The following PCDH7 variants were observed in gnomAD, a reference collection of about 807,000 sequenced individuals.
PCDH7 encodes protocadherin 7, also known as protocadherin-7.
In PCDH7, 17 loss-of-function variants were observed where a neutral mutation model predicts 58.9. That is an observed-to-expected ratio of 0.29 (90% CI 0.20 to 0.43). The LOEUF (loss-of-function observed/expected upper bound fraction) is 0.43, where lower values mean the gene tolerates loss of function less well. Ranked by LOEUF, PCDH7 falls within the 20% of genes least tolerant of loss-of-function variation. The probability of loss-of-function intolerance (pLI) is 1.00; values close to 1 mark genes in which losing one functional copy is unlikely to be tolerated. For missense variants in PCDH7, 1,274 were observed against 1,441.0 expected (o/e 0.88, Z 1.88); for synonymous variants, 664 against 616.4 (o/e 1.08, Z -1.14).
At chr4:30,850,457 GA>G (rs979858553) in intron 1 of PCDH7, among the ~76,000 whole-genome samples, 1 of 151,952 alleles carries the variant, frequency 6.6e-6, no homozygotes, top group African/African-American at 2.4e-5. Flanking sequence ...TATTATACAT[GA>G]AAAAAACTGA....
At chr4:30,791,204 C>G (rs918469694) in intron 1 of PCDH7, among the ~76,000 whole-genome samples, 1 of 152,026 alleles carries the variant, frequency 6.6e-6, no homozygotes, top group Non-Finnish European at 1.5e-5. Flanking sequence ...GTTACAATGT[C>G]GTGTGCTAAA....
chr4:31,018,788 C>T (rs1753806205), intron 3 of PCDH7, among the ~76,000 whole-genome samples: 1 of 152,076 alleles, frequency 6.6e-6, no homozygotes, highest in Non-Finnish European at 1.5e-5. Flanking sequence ...TTTCTATTTC[C>T]TAGCAACTTC....
chr4:30,773,629 A>G (rs1332727824), intron 1 of PCDH7, among the ~76,000 whole-genome samples: 2 of 152,142 alleles, frequency 1.3e-5, no homozygotes, highest in Non-Finnish European at 2.9e-5. Flanking sequence ...CCACTGAAGA[A>G]TCATGGTGCT....
intron 3 of PCDH7, among the ~76,000 whole-genome samples, chr4:30,952,160 A>G (rs1177908939): frequency 6.6e-6 from 1 of 152,182 alleles, no homozygotes; most frequent in Non-Finnish European, 1.5e-5. Flanking sequence ...TAGGACCTGT[A>G]ACTACAAACT....
At chr4:30,861,404 A>T (rs1283244349) in intron 1 of PCDH7, among the ~76,000 whole-genome samples, 3 of 142,974 alleles carry the variant, frequency 2.1e-5, no homozygotes, top group Admixed American at 1.4e-4. Flanking sequence ...TCTGCATGTT[A>T]TAGTAACCAC....
chr4:30,846,116 G>A (rs1731911522), intron 1 of PCDH7, among the ~76,000 whole-genome samples: 1 of 151,980 alleles, frequency 6.6e-6, no homozygotes, highest in Non-Finnish European at 1.5e-5. Context: ...ACTAAAACAT[G>A]GTCTGAATAT....
chr4:30,928,942 A>T (rs2109423959), intron 2 of PCDH7, among the ~76,000 whole-genome samples: 1 of 152,234 alleles, frequency 6.6e-6, no homozygotes, highest in Middle Eastern at 3.4e-3. Flanking sequence ...TTAGTTCAAA[A>T]ACTCTAAAAT....
intron 1 of PCDH7, among the ~76,000 whole-genome samples, chr4:30,754,339 T>G (rs918664444): frequency 6.6e-6 from 1 of 152,056 alleles, no homozygotes; most frequent in Non-Finnish European, 1.5e-5. Flanking sequence ...AGAAAAGAGG[T>G]TGTTATAATC....
At chr4:30,944,657 A>T (rs1406551988) in intron 2 of PCDH7, among the ~76,000 whole-genome samples, 1 of 152,198 alleles carries the variant, frequency 6.6e-6, no homozygotes, top group Non-Finnish European at 1.5e-5. Flanking sequence ...TATTTTACAA[A>T]CTTATTCTAA....
chr4:30,922,510 A>G (rs1743307442), intron 2 of PCDH7, among the ~76,000 whole-genome samples: 1 of 152,158 alleles, frequency 6.6e-6, no homozygotes, highest in Non-Finnish European at 1.5e-5. Flanking sequence ...ATGAATAATT[A>G]AAAGATAATT....
chr4:31,073,159 G>GT (rs1214505497), intron 3 of PCDH7, among the ~76,000 whole-genome samples: 1 of 152,136 alleles, frequency 6.6e-6, no homozygotes, highest in African/African-American at 2.4e-5. Flanking sequence ...AAAGGGCATA[G>GT]TTTTTTGGGG....
At chr4:30,936,322 A>C (rs943565528) in intron 2 of PCDH7, among the ~76,000 whole-genome samples, 1 of 152,010 alleles carries the variant, frequency 6.6e-6, no homozygotes, top group Non-Finnish European at 1.5e-5. Context: ...CTTAGTGTTT[A>C]ATACATGGTA....
intron 1 of PCDH7, among the ~76,000 whole-genome samples, chr4:30,903,899 G>T (rs1740552261): frequency 6.6e-6 from 1 of 151,972 alleles, no homozygotes; most frequent in Non-Finnish European, 1.5e-5. Context: ...AGACTATAAA[G>T]ACTATTTTGA....
At chr4:30,777,354 G>A (rs1480041285) in intron 1 of PCDH7, among the ~76,000 whole-genome samples, 1 of 152,260 alleles carries the variant, frequency 6.6e-6, no homozygotes, top group East Asian at 1.9e-4. Context: ...AAGTAATTCA[G>A]AGGATGAATT....
At chr4:31,015,370 G>A (rs1040225479) in intron 3 of PCDH7, among the ~76,000 whole-genome samples, 3 of 152,156 alleles carry the variant, frequency 2.0e-5, no homozygotes, top group Non-Finnish European at 4.4e-5. Context: ...AATCCCACGT[G>A]ATGATTCCCA....
intron 1 of PCDH7, among the ~76,000 whole-genome samples, chr4:30,778,600 A>AT (rs969632954): frequency 2.0e-5 from 3 of 151,684 alleles, no homozygotes; most frequent in Admixed American, 6.6e-5. Context: ...ACTACAAAGA[A>AT]TTTTTTTTTG....
exon 1 of PCDH7, chr4:30,724,455 A>T: frequency 6.2e-7 from 1 of 1,614,056 alleles, no homozygotes; most frequent in Non-Finnish European, 8.5e-7. Flanking sequence ...ATCCCCAGTC[A>T]CCAACTGCAG....
intron 3 of PCDH7, among the ~76,000 whole-genome samples, chr4:30,958,110 A>G (rs573288259): frequency 1.3e-5 from 2 of 152,214 alleles, no homozygotes; most frequent in Non-Finnish European, 2.9e-5. Context: ...AACTATATAT[A>G]CATGGAAAGA....
chr4:31,122,830 A>T (rs1717854116), intron 3 of PCDH7, among the ~76,000 whole-genome samples: 2 of 151,940 alleles, frequency 1.3e-5, no homozygotes. Context: ...GAAATGAGAG[A>T]TTATACCTAG....
Sources: gnomAD v4.1 joint callset for allele counts (sites outside exome capture counted in the v4.1 genomes callset) on GRCh38, gnomAD v4.1.1 for gene constraint, MANE v1.5 for transcripts, NCBI Gene and HGNC (gene_info 2026-07-23, HGNC 2026-07-21) for gene names.